SH3PXD2A: variants seen among roughly 807,000 people sequenced by gnomAD.
SH3PXD2A encodes SH3 and PX domain-containing protein 2A.
In SH3PXD2A, 32 loss-of-function variants were observed where a neutral mutation model predicts 115.2. The observed-to-expected ratio is 0.28, with a 90% CI of 0.21 to 0.37. The LOEUF is 0.37. SH3PXD2A is among the 10% of genes least tolerant of loss of function. The pLI, the probability that SH3PXD2A is intolerant of heterozygous loss-of-function variation, is 1.00. For synonymous variants in SH3PXD2A, 610 were observed against 629.1 expected (o/e 0.97, Z 0.45); for missense variants, 1,328 against 1,498.7 (o/e 0.89, Z 1.88).
rs2037382151 is a variant in SH3PXD2A at position 103,666,234 on chromosome 10, C to T, written c.472+2374G>A. Among the ~76,000 whole-genome samples, 1 of 152,262 alleles carries T rather than the reference C, an allele frequency of 6.6e-6. No individual in the cohort carries two copies. The highest frequency in any genetic ancestry group is 2.4e-5 in the African/African-American group (1 of 41,472). ...ATTCAATACATCATTCATGATTCAA[C>T]ACATGTATCGAGCACCCACTAGGCG... On this transcript the variant is annotated intron_variant, in intron 7 of 14. Transcript: ENST00000369774. This position sits in a 1 kb window ranked among gnomAD's most constrained non-coding sequence, Gnocchi z 4.5.
At chr10:103,619,489 T>C (rs545841619) in intron 10 of SH3PXD2A, among the ~76,000 whole-genome samples, 2 of 152,320 alleles carry the variant, frequency 1.3e-5, no homozygotes, top group South Asian at 2.1e-4. Flanking sequence ...CTAGGCAAGG[T>C]TGCATTTGCA....
At chr10:103,785,558 G>A (rs2038972683) in intron 2 of SH3PXD2A, among the ~76,000 whole-genome samples, 1 of 152,134 alleles carries the variant, frequency 6.6e-6, no homozygotes, top group Non-Finnish European at 1.5e-5. Flanking sequence ...TCTGGGAGGG[G>A]GACAGAGCAA....
At chr10:103,754,096 A>T (rs2038611302) in intron 3 of SH3PXD2A, 1 of 152,132 alleles carries the variant, frequency 6.6e-6, no homozygotes, top group African/African-American at 2.4e-5. Flanking sequence ...CACTCATCTC[A>T]ACTCTCCTCC....
At chr10:103,847,015 T>G (rs1589483030) in intron 1 of SH3PXD2A, among the ~76,000 whole-genome samples, 1 of 152,254 alleles carries the variant, frequency 6.6e-6, no homozygotes, top group East Asian at 1.9e-4. Flanking sequence ...ATGAGATGCT[T>G]AGCACATAGA....
intron 5 of SH3PXD2A, among the ~76,000 whole-genome samples, chr10:103,712,215 A>G (rs61870186): frequency 0.037 from 5,677 of 152,320 alleles, 145 homozygotes; most frequent in Middle Eastern, 0.071. Flanking sequence ...ATATTATAGC[A>G]TGTAAATTAT....
chr10:103,597,295 G>C lies in SH3PXD2A; in HGVS notation c.*4521C>G, dbSNP rs909514560. 3 of 152,480 alleles carry C rather than the reference G, an allele frequency of 2.0e-5. No homozygotes were observed. Among genetic ancestry groups the C allele is most frequent in the Non-Finnish European group, 4.4e-5 (3 of 68,044 alleles). The allele number at this position is 152,480 out of a possible 1,614,324, so 9.4% of individuals were successfully genotyped here. On this transcript the variant is annotated 3_prime_UTR_variant, in exon 15 of 15. Coordinates refer to ENST00000369774, the MANE Select transcript of SH3PXD2A (RefSeq NM_001394015.1). ...CCCAAAAAGATCTGGTGACTTCTAG[G>C]CTTCCTGCCTAGAAACTGAACTGAG...
chr10:103,788,175 A>G (rs2038998719), intron 2 of SH3PXD2A, among the ~76,000 whole-genome samples: 1 of 152,246 alleles, frequency 6.6e-6, no homozygotes. Flanking sequence ...TGCTCCAGCC[A>G]TGATGGCAAG....
At chr10:103,622,223 C>T (rs1174730205) in intron 10 of SH3PXD2A, among the ~76,000 whole-genome samples, 2 of 152,132 alleles carry the variant, frequency 1.3e-5, no homozygotes, top group Admixed American at 6.5e-5. Context: ...TTTCAGGGAA[C>T]CCACAACTGT....
chr10:103,778,563 A>G (rs968455237), intron 2 of SH3PXD2A, among the ~76,000 whole-genome samples: 8 of 152,236 alleles, frequency 5.3e-5, no homozygotes, highest in African/African-American at 1.9e-4. Flanking sequence ...TCTCATCTGT[A>G]AAATGGGAGT....
chr10:103,612,503 T>C (rs1362900253), intron 12 of SH3PXD2A, among the ~76,000 whole-genome samples: 1 of 152,246 alleles, frequency 6.6e-6, no homozygotes, highest in Non-Finnish European at 1.5e-5. Context: ...TCTTGATTTA[T>C]AAAGCCTTTA....
chr10:103,845,176 A>T (rs1245343265), intron 1 of SH3PXD2A, among the ~76,000 whole-genome samples: 1 of 151,624 alleles, frequency 6.6e-6, no homozygotes, highest in East Asian at 1.9e-4. Flanking sequence ...AAAAAAAAAC[A>T]AAAAATTAGC....
intron 1 of SH3PXD2A, among the ~76,000 whole-genome samples, chr10:103,851,070 G>A (rs554003473): frequency 6.6e-6 from 1 of 151,734 alleles, no homozygotes; most frequent in South Asian, 2.1e-4. Flanking sequence ...TAATGGAACT[G>A]GCCCTGAAAA....
intron 8 of SH3PXD2A, among the ~76,000 whole-genome samples, chr10:103,629,259 C>G (rs7084642): frequency 0.2 from 30,540 of 152,162 alleles, 3,316 homozygotes; most frequent in East Asian, 0.28. Context: ...CTGAGCAGCT[C>G]GTGGTGACAG....
At chr10:103,798,005 GGATCGC>G (rs2039109872) in intron 2 of SH3PXD2A, among the ~76,000 whole-genome samples, 1 of 152,174 alleles carries the variant, frequency 6.6e-6, no homozygotes, top group African/African-American at 2.4e-5. Context: ...CGACCGCTTG[GGATCGC>G]TTTGCACGTG....
chr10:103,838,362 G>A (rs2039566008), intron 1 of SH3PXD2A, among the ~76,000 whole-genome samples: 1 of 152,174 alleles, frequency 6.6e-6, no homozygotes, highest in African/African-American at 2.4e-5. Context: ...TCCTCCTAAC[G>A]ACCCTATGGG....
intron 10 of SH3PXD2A, among the ~76,000 whole-genome samples, chr10:103,621,851 T>C (rs1200653383): frequency 6.6e-6 from 1 of 152,224 alleles, no homozygotes; most frequent in Admixed American, 6.5e-5. Context: ...ATCAGGCCCC[T>C]CCTGAAGCCC....
At chr10:103,690,417 G>C (rs929911903) in intron 6 of SH3PXD2A, among the ~76,000 whole-genome samples, 2 of 152,226 alleles carry the variant, frequency 1.3e-5, no homozygotes, top group Non-Finnish European at 2.9e-5. Context: ...ACTGGCTTAT[G>C]TGATTGTGGA....
chr10:103,810,429 C>T (rs1252792302), intron 1 of SH3PXD2A, among the ~76,000 whole-genome samples: 1 of 152,130 alleles, frequency 6.6e-6, no homozygotes, highest in African/African-American at 2.4e-5. Flanking sequence ...AATGGAGTGC[C>T]GAGAAGTGAG....
In SH3PXD2A at chr10:103,602,425, C is replaced by G; in HGVS notation, c.2793G>C (p.Arg931Ser). 3.1e-6 allele frequency: 5 copies of G among 1,614,146 alleles called. No homozygotes were observed. Among genetic ancestry groups the G allele is most frequent in the Non-Finnish European group, 4.2e-6 (5 of 1,180,026 alleles). ...TGACGGTGTTCAGTGCTTGGACGCG[C>G]CTCTCGATCTTCTCCAGGCTGTCTG... ...GKSDSLEKIE[R>S]RVQALNTVNQ... Residue 931 changes from arginine (R) to serine (S), a missense_variant, in exon 15 of 15, where the codon AGG (arginine) becomes AGC (serine). Coordinates refer to ENST00000369774, the MANE Select transcript of SH3PXD2A (RefSeq NM_001394015.1).
Sources: allele counts gnomAD v4.1 joint callset (sites outside exome capture counted in the v4.1 genomes callset), GRCh38; gene constraint gnomAD v4.1.1; non-coding constraint Gnocchi (gnomAD v3.1); transcripts MANE v1.5; gene names NCBI Gene and HGNC (gene_info 2026-07-23, HGNC 2026-07-21).